Variants in MEI4 observed in about 807,000 individuals in gnomAD.
MEI4 encodes the protein meiosis-specific protein MEI4.
Under a neutral mutation model 31.4 loss-of-function variants are expected in MEI4, and 27 were observed. The observed-to-expected ratio is 0.86, with a 90% CI of 0.63 to 1.19. The LOEUF is 1.19. Ranked by LOEUF, MEI4 falls within the 50% of genes most tolerant of loss-of-function variation. MEI4 has a pLI of 0.00. For missense variants in MEI4, 329 were observed against 398.9 expected (o/e 0.82, Z 1.49); for synonymous variants, 122 against 145.4 (o/e 0.84, Z 1.16).
rs1178490527 is a variant in MEI4 at position 77,844,651 on chromosome 6, T to G, written c.900+15589T>G. On this transcript the variant is annotated intron_variant, in intron 4 of 4. Coordinates refer to ENST00000684080, the MANE Select transcript of MEI4 (RefSeq NM_001322247.2). ...TTATAAGTGTTTTTAATTCTAAAAT[T>G]TAAATTATGCAGGGAATATATCAGA... Among the ~76,000 whole-genome samples the G allele has an allele frequency of 3.3e-5, 5 of 152,160 alleles. No homozygotes were observed. In the East Asian group the frequency reaches 7.7e-4, roughly 23 times the overall value.
intron 3 of MEI4, among the ~76,000 whole-genome samples, chr6:77,772,842 T>C (rs1768349789): frequency 6.6e-6 from 1 of 151,978 alleles, no homozygotes; most frequent in African/African-American, 2.4e-5. Flanking sequence ...TGAAAACAAA[T>C]TTAGTAAATT....
chr6:77,917,779 C>G (rs1766597537), intron 4 of MEI4, among the ~76,000 whole-genome samples: 1 of 151,134 alleles, frequency 6.6e-6, no homozygotes, highest in South Asian at 2.1e-4. Flanking sequence ...TAATGAGATA[C>G]CATTTGTCAA....
intron 2 of MEI4, among the ~76,000 whole-genome samples, chr6:77,700,244 C>T (rs1406137126): frequency 6.6e-6 from 1 of 152,210 alleles, no homozygotes; most frequent in Non-Finnish European, 1.5e-5. Context: ...GGGCTCCACC[C>T]AGTTTGAGCT....
In MEI4 at chr6:77,824,301, A is replaced by G. The variant is rs1198461805; in HGVS notation, c.769-4630A>G. Among the ~76,000 whole-genome samples the G allele has an allele frequency of 2.6e-5, 4 of 152,102 alleles. No individual in the cohort carries two copies. In the South Asian group the frequency reaches 8.3e-4, roughly 32 times the overall value. On this transcript the variant is annotated intron_variant, in intron 3 of 4. Transcript: ENST00000684080. ...GATGTATTTTGTGTTTTAGTTCAAC[A>G]TGTTGGCCAGGCTGGTCTCGAACTC...
rs543503545 is a variant in MEI4 at position 77,840,208 on chromosome 6, A to C, written c.900+11146A>C. Among the ~76,000 whole-genome samples, 343 of 152,320 alleles carry C rather than the reference A, an allele frequency of 2.3e-3. 3 individuals carry two copies. Among genetic ancestry groups the C allele is most frequent in the African/African-American group, 7.6e-3 (315 of 41,580 alleles). On this transcript the variant is annotated intron_variant, in intron 4 of 4. Transcript: ENST00000684080. ...AAACGTTAGAACTGAAAAATATACT[A>C]TCTGAAATAAAATATTCCCTGGATG...
In MEI4 at chr6:77,761,419, C is replaced by A. The variant is rs970817094; in HGVS notation, c.522C>A (p.Thr174=). Residue 174 remains threonine, a synonymous_variant, in exon 3 of 5, where the codon ACC becomes ACA. Coordinates refer to ENST00000684080, the MANE Select transcript of MEI4 (RefSeq NM_001322247.2). ...CAGGTAATCTTAAAAGAGACTTAAC[C>A]CACTTTGAAAAAGACTCTTCCACAG... The part of the protein sequence containing the change: ...TESGNLKRDL[T]HFEKDSSTVS... 13 of 1,231,948 alleles carry A rather than the reference C, an allele frequency of 1.1e-5. No individual in the cohort carries two copies. In the Admixed American group the frequency reaches 1.7e-4, roughly 16 times the overall value. The allele number at this position is 1,231,948 out of a possible 1,614,324, so 76.3% of individuals were successfully genotyped here.
intron 1 of MEI4, among the ~76,000 whole-genome samples, chr6:77,678,721 TA>T (rs61348137): frequency 1.2e-4 from 18 of 149,712 alleles, no homozygotes; most frequent in South Asian, 1.1e-3. Flanking sequence ...TTCTACTTAT[TA>T]AAAAAAAAAG....
chr6:77,896,955 AACAG>A (rs1766094939), intron 4 of MEI4, among the ~76,000 whole-genome samples: 1 of 152,002 alleles, frequency 6.6e-6, no homozygotes, highest in African/African-American at 2.4e-5. Context: ...TAACGATAAT[AACAG>A]ACAGTAGATA....
chr6:77,669,217 G>T (rs960689511), intron 1 of MEI4, among the ~76,000 whole-genome samples: 11 of 151,966 alleles, frequency 7.2e-5, no homozygotes, highest in African/African-American at 2.4e-4. Context: ...GAAAGAGGAA[G>T]CATGTGTGTG....
At chr6:77,654,294 T>G (rs928031835) in intron 1 of MEI4, among the ~76,000 whole-genome samples, 8 of 152,178 alleles carry the variant, frequency 5.3e-5, no homozygotes, top group Non-Finnish European at 8.8e-5. Context: ...TATATCCCTG[T>G]GTCTACCACA....
chr6:77,850,223 T>C (rs1357634785), intron 4 of MEI4, among the ~76,000 whole-genome samples: 4 of 152,142 alleles, frequency 2.6e-5, no homozygotes, highest in Non-Finnish European at 5.9e-5. Context: ...AGGTAATTTA[T>C]AGATTCAATG....
intron 4 of MEI4, among the ~76,000 whole-genome samples, chr6:77,878,462 G>C (rs1265322609): frequency 6.6e-6 from 1 of 152,060 alleles, no homozygotes; most frequent in African/African-American, 2.4e-5. Context: ...AAATTATGGA[G>C]ACATTGTGCA....
At chr6:77,699,065 C>T (rs1472413195) in intron 2 of MEI4, among the ~76,000 whole-genome samples, 1 of 152,102 alleles carries the variant, frequency 6.6e-6, no homozygotes, top group African/African-American at 2.4e-5. Flanking sequence ...CGCATCGGCT[C>T]CTGAGGCTTC....
At chr6:77,666,412 A>G (rs1159351019) in intron 1 of MEI4, among the ~76,000 whole-genome samples, 1 of 152,188 alleles carries the variant, frequency 6.6e-6, no homozygotes, top group Non-Finnish European at 1.5e-5. Flanking sequence ...AGGGGATGCG[A>G]TGGCTTGGCT....
intron 2 of MEI4, among the ~76,000 whole-genome samples, chr6:77,699,555 G>T (rs930159292): frequency 5.9e-5 from 9 of 152,124 alleles, no homozygotes; most frequent in African/African-American, 2.4e-5. Flanking sequence ...TGGTTTGATC[G>T]TCTGAAGCCT....
intron 2 of MEI4, among the ~76,000 whole-genome samples, chr6:77,743,255 A>G (rs182690607): frequency 7.9e-5 from 12 of 152,294 alleles, no homozygotes; most frequent in African/African-American, 2.9e-4. Flanking sequence ...ACCCATGAGC[A>G]TGGAATGTTC....
intron 2 of MEI4, among the ~76,000 whole-genome samples, chr6:77,731,822 G>A (rs939530136): frequency 6.6e-6 from 1 of 152,010 alleles, no homozygotes; most frequent in Non-Finnish European, 1.5e-5. Context: ...GTAAGGAAGG[G>A]ATCCAGTTTC....
At chr6:77,689,505 T>A (rs1769118886) in intron 1 of MEI4, among the ~76,000 whole-genome samples, 1 of 152,012 alleles carries the variant, frequency 6.6e-6, no homozygotes, top group Admixed American at 6.6e-5. Flanking sequence ...TAGTTACACA[T>A]CGCTGTGGGT....
At chr6:77,684,452 CT>C (rs138596876) in intron 1 of MEI4, among the ~76,000 whole-genome samples, 13 of 149,082 alleles carry the variant, frequency 8.7e-5, no homozygotes, top group Non-Finnish European at 7.5e-5. Flanking sequence ...ATTCTGTCTA[CT>C]TTTTTTTTTG....
Sources: gnomAD v4.1 joint callset for allele counts (sites outside exome capture counted in the v4.1 genomes callset) on GRCh38, gnomAD v4.1.1 for gene constraint, MANE v1.5 for transcripts, NCBI Gene and HGNC (gene_info 2026-07-23, HGNC 2026-07-21) for gene names.